The following GSK3B variants were observed in gnomAD, a reference collection of about 807,000 sequenced individuals.
GSK3B encodes the protein glycogen synthase kinase-3 beta.
A neutral mutation model predicts 56.4 loss-of-function variants in GSK3B; 15 were observed. That is an observed-to-expected ratio of 0.27 (90% confidence interval 0.18 to 0.41). GSK3B has a LOEUF of 0.41. Ranked by LOEUF, GSK3B falls within the 10% of genes least tolerant of loss-of-function variation. The pLI is 1.00. For synonymous variants in GSK3B, 181 were observed against 188.9 expected, an observed-to-expected ratio of 0.96 and a Z score of 0.34; for missense variants, 300 against 513.4, an observed-to-expected ratio of 0.58 and a Z score of 4.02.
intron 2 of GSK3B, 134 bp downstream of exon 2, chr3:120,001,912 C>G (rs767364478): frequency 4.1e-5 from 21 of 514,520 alleles, no homozygotes; most frequent in Non-Finnish European, 7.1e-5. Context: ...AATAAAATCA[C>G]TACAATGGTT....
rs1196221868 is a variant in GSK3B, at chr3:119,822,425, T to TATA, written c.*4360_*4362dup. On this transcript the variant is annotated 3_prime_UTR_variant, in exon 11 of 11. Coordinates refer to ENST00000264235, the MANE Select transcript of GSK3B (RefSeq NM_001146156.2). ...CTATCTGTATCTGCCTGTAGACAGA[T>TATA]ATAGTTAAGGAAAAAAAAACTTAAA... 9.1e-6 allele frequency: 2 copies of TATA among 220,108 alleles called. No homozygotes were observed. Among genetic ancestry groups the TATA allele is most frequent in the Non-Finnish European group, 1.8e-5 (2 of 110,082 alleles). 13.6% of individuals were successfully genotyped at this position (220,108 alleles called of 1,614,324 possible). A position where few individuals can be genotyped will look rare whatever the true frequency, so the allele number is the denominator to read the frequency against.
At chr3:119,827,239 A>C (rs2055525319) in intron 10 of GSK3B, among the ~76,000 whole-genome samples, 1 of 152,228 alleles carries the variant, frequency 6.6e-6, no homozygotes. Context: ...ACCATGTTAC[A>C]ATATGCCATC....
chr3:120,005,231 A>G (rs1055997603), intron 1 of GSK3B, among the ~76,000 whole-genome samples: 7 of 152,178 alleles, frequency 4.6e-5, no homozygotes, highest in African/African-American at 1.4e-4. Flanking sequence ...TAGAAAAAAA[A>G]GAGTGAAAAG....
At chr3:119,836,463 T>C (rs2055692366) in intron 10 of GSK3B, among the ~76,000 whole-genome samples, 1 of 152,164 alleles carries the variant, frequency 6.6e-6, no homozygotes, top group South Asian at 2.1e-4. Flanking sequence ...AAATTTTAAA[T>C]GTCTTTAAAC....
chr3:119,968,017 G>A (rs534680802), intron 2 of GSK3B, among the ~76,000 whole-genome samples: 3 of 151,892 alleles, frequency 2.0e-5, no homozygotes, highest in Admixed American at 6.6e-5. Flanking sequence ...CACCACACCC[G>A]GCTAATTTTT....
chr3:120,043,733 C>T (rs2058081477), intron 1 of GSK3B, among the ~76,000 whole-genome samples: 1 of 152,076 alleles, frequency 6.6e-6, no homozygotes, highest in African/African-American at 2.4e-5. Flanking sequence ...TAACTATTTC[C>T]ATTAATACTC....
intron 7 of GSK3B, among the ~76,000 whole-genome samples, chr3:119,887,550 AACTC>A (rs751410747): frequency 2.0e-5 from 3 of 152,262 alleles, no homozygotes; most frequent in South Asian, 2.1e-4. Context: ...ACAGGGAAGA[AACTC>A]AATCACTGAA....
At chr3:120,057,212 A>G (rs2058198550) in intron 1 of GSK3B, among the ~76,000 whole-genome samples, 1 of 152,222 alleles carries the variant, frequency 6.6e-6, no homozygotes, top group Non-Finnish European at 1.5e-5. Flanking sequence ...GTAAAAATTA[A>G]AAGTGGTTAA....
chr3:119,846,709 A>G (rs139292997), intron 9 of GSK3B, among the ~76,000 whole-genome samples: 298 of 152,260 alleles, frequency 2.0e-3, no homozygotes, highest in African/African-American at 6.8e-3. Flanking sequence ...AATTAGTTCA[A>G]TTGTGGAAGA....
intron 8 of GSK3B, among the ~76,000 whole-genome samples, chr3:119,871,309 T>A (rs2056247566): frequency 6.6e-6 from 1 of 152,182 alleles, no homozygotes; most frequent in Admixed American, 6.5e-5. Context: ...TTTTAGGAAA[T>A]CAAGTATGCA....
chr3:120,066,828 C>T (rs983728711), intron 1 of GSK3B, among the ~76,000 whole-genome samples: 1 of 152,190 alleles, frequency 6.6e-6, no homozygotes, highest in African/African-American at 2.4e-5. Context: ...AGTGTGGCTA[C>T]ATCCTAATAA....
chr3:119,902,231 A>G (rs1256343266), intron 7 of GSK3B, among the ~76,000 whole-genome samples: 1 of 152,158 alleles, frequency 6.6e-6, no homozygotes, highest in African/African-American at 2.4e-5. Flanking sequence ...CTCTTTTCCA[A>G]CTTAAATCAG....
At chr3:120,036,730 T>G (rs1042130684) in intron 1 of GSK3B, among the ~76,000 whole-genome samples, 2 of 144,968 alleles carry the variant, frequency 1.4e-5, no homozygotes, top group Non-Finnish European at 3.0e-5. Context: ...GAGGCAGAAG[T>G]TGCGGTGAGC....
chr3:120,074,084 C>A (rs947854442), intron 1 of GSK3B, among the ~76,000 whole-genome samples: 6 of 152,084 alleles, frequency 3.9e-5, no homozygotes, highest in African/African-American at 1.4e-4. Flanking sequence ...GTGGATAGAT[C>A]ACTTGAGTCT....
chr3:119,854,085 T>A (rs1239798006), intron 9 of GSK3B, among the ~76,000 whole-genome samples: 1 of 152,214 alleles, frequency 6.6e-6, no homozygotes, highest in Non-Finnish European at 1.5e-5. Flanking sequence ...TAATTTCAGA[T>A]ACGTCCCATC....
intron 8 of GSK3B, among the ~76,000 whole-genome samples, chr3:119,868,840 A>T (rs2056214955): frequency 6.6e-6 from 1 of 152,160 alleles, no homozygotes; most frequent in African/African-American, 2.4e-5. Context: ...CAACTCCAAT[A>T]TTGACTCTCA....
chr3:119,842,386 A>T (rs2055785310), intron 10 of GSK3B, among the ~76,000 whole-genome samples: 1 of 152,126 alleles, frequency 6.6e-6, no homozygotes, highest in African/African-American at 2.4e-5. Flanking sequence ...TTTGCATTGC[A>T]GTTTTAGCCC....
At chr3:119,975,354 G>A (rs1417276432) in intron 2 of GSK3B, among the ~76,000 whole-genome samples, 1 of 152,118 alleles carries the variant, frequency 6.6e-6, no homozygotes, top group Non-Finnish European at 1.5e-5. Context: ...GGCTGGGGCA[G>A]GAGAATCGCT....
At chr3:119,883,184 A>G (rs1161011004) in intron 7 of GSK3B, among the ~76,000 whole-genome samples, 1 of 152,114 alleles carries the variant, frequency 6.6e-6, no homozygotes. Context: ...TGTATTTTAA[A>G]TCTTAACACC....
Sources: allele counts gnomAD v4.1 joint callset (sites outside exome capture counted in the v4.1 genomes callset), GRCh38; gene constraint gnomAD v4.1.1; transcripts MANE v1.5; gene names NCBI Gene and HGNC (gene_info 2026-07-23, HGNC 2026-07-21).